SBF2: variants seen among roughly 807,000 people sequenced by gnomAD.
SBF2 encodes the protein myotubularin-related protein 13.
In SBF2, 112 loss-of-function variants were observed where a neutral mutation model predicts 225.2. That is an observed-to-expected ratio of 0.50 (90% CI 0.43 to 0.58). SBF2 has a LOEUF of 0.58. Among genes scored for constraint, SBF2 ranks in the 20% least tolerant of loss-of-function variants. The pLI is 0.00. For synonymous variants in SBF2, 763 were observed against 773.3 expected (o/e 0.99, Z 0.22); for missense variants, 1,996 against 2,206.2 (o/e 0.90, Z 1.91).
At chr11:10,243,849 G>A (rs968264227) in intron 1 of SBF2, among the ~76,000 whole-genome samples, 5 of 152,030 alleles carry the variant, frequency 3.3e-5, no homozygotes, top group African/African-American at 4.8e-5. Context: ...GATGACTTCA[G>A]GGATAAATTC....
intron 6 of SBF2, among the ~76,000 whole-genome samples, chr11:10,009,968 A>G (rs1948372434): frequency 6.6e-6 from 1 of 151,874 alleles, no homozygotes; most frequent in South Asian, 2.1e-4. Flanking sequence ...ATGGTATCTC[A>G]TTGTGGTTTT....
chr11:10,228,477 T>C (rs1374337788), intron 1 of SBF2, among the ~76,000 whole-genome samples: 3 of 152,242 alleles, frequency 2.0e-5, no homozygotes, highest in Non-Finnish European at 4.4e-5. Context: ...ATAGCTCTTA[T>C]TATTTTGAGA....
chr11:10,234,040 G>T (rs1404171100), intron 1 of SBF2, among the ~76,000 whole-genome samples: 1 of 152,048 alleles, frequency 6.6e-6, no homozygotes, highest in African/African-American at 2.4e-5. Context: ...CAGATATAAT[G>T]ATTTAATACT....
At chr11:10,079,271 A>G (rs2134853777) in intron 2 of SBF2, among the ~76,000 whole-genome samples, 1 of 152,342 alleles carries the variant, frequency 6.6e-6, no homozygotes, top group South Asian at 2.1e-4. Context: ...ATGCAAAGAA[A>G]TTAGAAAATA....
At chr11:9,911,833 A>G (rs1862644223) in intron 16 of SBF2, among the ~76,000 whole-genome samples, 1 of 152,232 alleles carries the variant, frequency 6.6e-6, no homozygotes, top group Non-Finnish European at 1.5e-5. Flanking sequence ...AACTGCCTAC[A>G]GTATTCAGTA....
At chr11:10,236,954 A>G (rs1299142190) in intron 1 of SBF2, among the ~76,000 whole-genome samples, 1 of 152,194 alleles carries the variant, frequency 6.6e-6, no homozygotes, top group Non-Finnish European at 1.5e-5. Flanking sequence ...ATCTGGAAAG[A>G]AAAAAAGAAA....
intron 16 of SBF2, chr11:9,959,941 C>T: frequency 3.2e-6 from 1 of 309,396 alleles, no homozygotes; most frequent in Non-Finnish European, 6.4e-6. Context: ...ATCTTTTGCT[C>T]ATTTTCAAGT....
intron 13 of SBF2, among the ~76,000 whole-genome samples, chr11:9,982,247 G>C (rs1221951769): frequency 6.6e-6 from 1 of 152,168 alleles, no homozygotes; most frequent in Non-Finnish European, 1.5e-5. Context: ...AGCCAAAGCA[G>C]AGGACACTGG....
chr11:10,274,411 G>T (rs1327862702), intron 1 of SBF2, among the ~76,000 whole-genome samples: 1 of 152,114 alleles, frequency 6.6e-6, no homozygotes, highest in Non-Finnish European at 1.5e-5. Context: ...TTTATTAAGG[G>T]TTTCATTTTA....
chr11:10,152,855 G>C (rs550728556), intron 2 of SBF2, among the ~76,000 whole-genome samples: 20 of 152,210 alleles, frequency 1.3e-4, no homozygotes, highest in African/African-American at 4.8e-4. Context: ...GGTGAGAGAA[G>C]GGGAATTCAA....
chr11:10,152,921 T>C (rs1403981002), intron 2 of SBF2, among the ~76,000 whole-genome samples: 1 of 152,198 alleles, frequency 6.6e-6, no homozygotes, highest in Non-Finnish European at 1.5e-5. Context: ...GTAATACATT[T>C]TCTGGGGGAA....
intron 29 of SBF2, among the ~76,000 whole-genome samples, chr11:9,815,281 TAAA>T (rs35464212): frequency 2.3e-4 from 10 of 42,802 alleles, no homozygotes; most frequent in South Asian, 2.5e-3. Context: ...CTACTAAAAC[TAAA>T]AAAAAAAAAA....
At chr11:10,087,342 A>G (rs540449363) in intron 2 of SBF2, among the ~76,000 whole-genome samples, 42 of 152,304 alleles carry the variant, frequency 2.8e-4, no homozygotes, top group Middle Eastern at 6.8e-3. Context: ...TCTATTTGCC[A>G]TAATTTTTTT....
upstream of SBF2, among the ~76,000 whole-genome samples, chr11:10,296,506 A>T (rs946766921): frequency 2.0e-5 from 3 of 152,092 alleles, no homozygotes; most frequent in African/African-American, 7.2e-5. Context: ...CCATGATTCA[A>T]TTACCTTCCA....
At chr11:10,183,078 C>T (rs1956801242) in intron 2 of SBF2, among the ~76,000 whole-genome samples, 2 of 152,012 alleles carry the variant, frequency 1.3e-5, no homozygotes, top group African/African-American at 4.8e-5. Context: ...GCCAGTTTTT[C>T]TATGCTTTGT....
intron 13 of SBF2, 117 bp downstream of exon 13, chr11:9,989,380 A>G: frequency 1.5e-6 from 1 of 648,044 alleles, no homozygotes; most frequent in Non-Finnish European, 2.6e-6. Context: ...AAAATCTCAC[A>G]AATCAACACT....
At chr11:10,085,821 T>C (rs1951544020) in intron 2 of SBF2, among the ~76,000 whole-genome samples, 1 of 152,088 alleles carries the variant, frequency 6.6e-6, no homozygotes, top group South Asian at 2.1e-4. Context: ...TCTTTGTCTT[T>C]CATCTTGACC....
intron 16 of SBF2, among the ~76,000 whole-genome samples, chr11:9,930,941 G>T (rs1458970407): frequency 6.6e-6 from 1 of 152,268 alleles, no homozygotes; most frequent in African/African-American, 2.4e-5. Flanking sequence ...CAGACAAGAA[G>T]ATTCTCTCCC....
At chr11:10,266,798 CG>C (rs1335461888) in intron 1 of SBF2, among the ~76,000 whole-genome samples, 1 of 152,158 alleles carries the variant, frequency 6.6e-6, no homozygotes, top group African/African-American at 2.4e-5. Context: ...GGCCTTTAAA[CG>C]GAAGAGGGTC....
Sources: allele counts gnomAD v4.1 joint callset (sites outside exome capture counted in the v4.1 genomes callset), GRCh38; gene constraint gnomAD v4.1.1; transcripts MANE v1.5; gene names NCBI Gene and HGNC (gene_info 2026-07-23, HGNC 2026-07-21).